CNTNAP2: variants seen among roughly 807,000 people sequenced by gnomAD.
CNTNAP2 encodes the protein contactin-associated protein-like 2.
CNTNAP2 carries 98 observed loss-of-function variants against 155.2 expected under a neutral mutation model. The ratio of observed to expected loss-of-function variants is 0.63; its 90% CI spans 0.54 to 0.75. The LOEUF (loss-of-function observed/expected upper bound fraction) is 0.75, where lower values mean the gene tolerates loss of function less well. Ranked by LOEUF, CNTNAP2 falls within the 30% of genes least tolerant of loss-of-function variation. CNTNAP2 has a pLI of 0.00. For missense variants in CNTNAP2, 1,727 were observed against 1,688.1 expected (o/e 1.02, Z -0.40); for synonymous variants, 651 against 631.2 (o/e 1.03, Z -0.47).
intron 8 of CNTNAP2, among the ~76,000 whole-genome samples, chr7:147,273,809 T>C (rs1289203506): frequency 6.1e-5 from 9 of 147,380 alleles, no homozygotes; most frequent in African/African-American, 2.0e-4. Flanking sequence ...TTTATATCTA[T>C]ACATATATAT....
chr7:147,073,646 A>G (rs753122987), intron 4 of CNTNAP2, among the ~76,000 whole-genome samples: 10 of 152,224 alleles, frequency 6.6e-5, no homozygotes, highest in Non-Finnish European at 1.3e-4. Context: ...AAGCAGACAG[A>G]GAATGAGTGG....
chr7:146,326,706 C>T (rs1221776930), intron 1 of CNTNAP2, among the ~76,000 whole-genome samples: 4 of 152,046 alleles, frequency 2.6e-5, no homozygotes, highest in Non-Finnish European at 4.4e-5. Flanking sequence ...AAAAGAGTGG[C>T]GACTTTTTAT....
At chr7:147,404,795 G>C (rs1169455896) in intron 10 of CNTNAP2, among the ~76,000 whole-genome samples, 1 of 152,062 alleles carries the variant, frequency 6.6e-6, no homozygotes, top group Non-Finnish European at 1.5e-5. Flanking sequence ...TGACCTAAAA[G>C]TATCACATAC....
intron 3 of CNTNAP2, among the ~76,000 whole-genome samples, chr7:147,013,146 G>C (rs1020033236): frequency 4.6e-5 from 7 of 152,006 alleles, no homozygotes; most frequent in African/African-American, 1.4e-4. Context: ...GTTGTAGAAT[G>C]ATTAAAATTA....
At chr7:146,638,280 A>T (rs953832950) in intron 1 of CNTNAP2, among the ~76,000 whole-genome samples, 1 of 152,124 alleles carries the variant, frequency 6.6e-6, no homozygotes, top group African/African-American at 2.4e-5. Context: ...TGCAGTGTTC[A>T]GTTCCTTGAG....
intron 13 of CNTNAP2, among the ~76,000 whole-genome samples, chr7:147,662,288 G>A (rs1355818600): frequency 6.6e-6 from 1 of 152,186 alleles, no homozygotes; most frequent in East Asian, 1.9e-4. Context: ...CAGCCTGAAG[G>A]GCAATGTCCC....
chr7:146,474,802 T>C (rs1230429231), intron 1 of CNTNAP2, among the ~76,000 whole-genome samples: 1 of 152,230 alleles, frequency 6.6e-6, no homozygotes, highest in African/African-American at 2.4e-5. Context: ...AGAAAGATGT[T>C]GGCATTTATA....
chr7:146,379,162 G>T (rs770928300), intron 1 of CNTNAP2, among the ~76,000 whole-genome samples: 3 of 152,200 alleles, frequency 2.0e-5, no homozygotes, highest in Admixed American at 6.5e-5. Context: ...AGAACCTTGG[G>T]ATTTTCTGCA....
Position 147,253,383 on chromosome 7 carries a change from GTTTTTTTTTT to G in CNTNAP2, c.1349-46747_1349-46738del, listed in dbSNP as rs556721401. ...TGCTGATTAGCTTAACAGGTTCTCT[GTTTTTTTTTT>G]TTTTTTTTTTAGAAAAAGATAAAAT... On this transcript the variant is annotated intron_variant, in intron 8 of 23. Coordinates refer to ENST00000361727, the MANE Select transcript of CNTNAP2 (RefSeq NM_014141.6). Among the ~76,000 whole-genome samples, 3 of 118,570 alleles carry G rather than the reference GTTTTTTTTTT, an allele frequency of 2.5e-5. No homozygotes were observed. The South Asian group carries it at 8.7e-4, about 34-fold the overall frequency. 77.8% of individuals were successfully genotyped at this position (118,570 alleles called of 152,430 possible).
At chr7:148,288,344 CCG>C (rs1236638918) in intron 21 of CNTNAP2, among the ~76,000 whole-genome samples, 1 of 151,994 alleles carries the variant, frequency 6.6e-6, no homozygotes, top group Non-Finnish European at 1.5e-5. Context: ...CGTGATCTGC[CCG>C]CCTCATCCTC....
At chr7:146,393,903 G>A in intron 1 of CNTNAP2, among the ~76,000 whole-genome samples, 1 of 152,154 alleles carries the variant, frequency 6.6e-6, no homozygotes, top group East Asian at 1.9e-4. Flanking sequence ...GTTCAAAGAT[G>A]TGTGTACATT....
At position 148,409,773 on chromosome 7, in the gene CNTNAP2, T is replaced by C. The variant is rs540619795; in HGVS notation, c.3796+302T>C. On this transcript the variant is annotated intron_variant, in intron 23 of 23. Coordinates refer to ENST00000361727, the MANE Select transcript of CNTNAP2 (RefSeq NM_014141.6). ...ATCTACTAAAAATACAAAAATTAGC[T>C]GGGCGCGGTGGCTCACGCCTGTAAT... 3.7e-4 allele frequency among the ~76,000 whole-genome samples: 51 copies of C among 138,372 alleles called. 2 individuals carry two copies. The highest frequency in any genetic ancestry group is 1.5e-3 in the Admixed American group (21 of 14,352). 90.8% of individuals were successfully genotyped at this position (138,372 alleles called of 152,430 possible).
intron 3 of CNTNAP2, among the ~76,000 whole-genome samples, chr7:147,040,575 C>A (rs1016652044): frequency 6.7e-6 from 1 of 150,274 alleles, no homozygotes; most frequent in Non-Finnish European, 1.5e-5. Flanking sequence ...ATTCTCCTGC[C>A]TCAGCCTTCC....
intron 13 of CNTNAP2, among the ~76,000 whole-genome samples, chr7:147,834,916 G>T (rs1476245536): frequency 6.6e-6 from 1 of 152,140 alleles, no homozygotes; most frequent in Admixed American, 6.6e-5. Context: ...AGAGGTGCTT[G>T]TTTTATTATA....
At chr7:148,306,520 G>T (rs1460068420) in intron 21 of CNTNAP2, among the ~76,000 whole-genome samples, 2 of 151,948 alleles carry the variant, frequency 1.3e-5, no homozygotes, top group African/African-American at 4.8e-5. Flanking sequence ...CCTATTCTCT[G>T]AACAATGTTC....
intron 1 of CNTNAP2, among the ~76,000 whole-genome samples, chr7:146,169,201 T>C (rs142252386): frequency 3.3e-5 from 5 of 152,350 alleles, no homozygotes; most frequent in African/African-American, 1.2e-4. Flanking sequence ...GATAGAATTC[T>C]AACTTACCCA....
intron 3 of CNTNAP2, among the ~76,000 whole-genome samples, chr7:146,892,086 T>C (rs759445476): frequency 1.3e-5 from 2 of 152,168 alleles, no homozygotes; most frequent in Non-Finnish European, 2.9e-5. Context: ...GTAGAGTTGG[T>C]GGCAGCAGTT....
chr7:147,775,266 T>TA (rs1491119087), intron 13 of CNTNAP2, among the ~76,000 whole-genome samples: 3 of 95,258 alleles, frequency 3.1e-5, no homozygotes, highest in Admixed American at 1.7e-4. Flanking sequence ...TATAAATATA[T>TA]TTATATATAT....
At chr7:147,329,336 T>C (rs1219993641) in intron 9 of CNTNAP2, among the ~76,000 whole-genome samples, 1 of 152,016 alleles carries the variant, frequency 6.6e-6, no homozygotes. Context: ...ATATATACAG[T>C]ATTAAAATTG....
Sources: allele counts gnomAD v4.1 joint callset (sites outside exome capture counted in the v4.1 genomes callset), GRCh38; gene constraint gnomAD v4.1.1; transcripts MANE v1.5; gene names NCBI Gene and HGNC (gene_info 2026-07-23, HGNC 2026-07-21).